The following PLCL2 variants were observed in gnomAD, a reference collection of about 807,000 sequenced individuals.
PLCL2 encodes phospholipase C like 2.
Under a neutral mutation model 79.6 loss-of-function variants are expected in PLCL2, and 4 were observed. The observed-to-expected ratio is 0.05, with a 90% CI of 0.02 to 0.11. The LOEUF (loss-of-function observed/expected upper bound fraction) is 0.11, where lower values mean the gene tolerates loss of function less well. Ranked by LOEUF, PLCL2 falls within the 10% of genes least tolerant of loss-of-function variation. The probability of loss-of-function intolerance (pLI) is 1.00; values close to 1 mark genes in which losing one functional copy is unlikely to be tolerated. For missense variants in PLCL2, 895 were observed against 1,291.0 expected (o/e 0.69, Z 4.70); for synonymous variants, 484 against 457.7 (o/e 1.06, Z -0.73).
chr3:16,957,144 C>G (rs915476097), intron 1 of PLCL2, among the ~76,000 whole-genome samples: 1 of 151,944 alleles, frequency 6.6e-6, no homozygotes, highest in South Asian at 2.1e-4. Flanking sequence ...TGGATCTTTC[C>G]TGCTTTCTCT....
intron 1 of PLCL2, among the ~76,000 whole-genome samples, chr3:16,913,768 A>G (rs952610914): frequency 5.3e-5 from 8 of 152,146 alleles, no homozygotes; most frequent in Non-Finnish European, 1.2e-4. Context: ...TGCTAAAAAG[A>G]TCTTCATAAT....
chr3:16,923,600 T>C (rs76099652), intron 1 of PLCL2, among the ~76,000 whole-genome samples: 2 of 152,224 alleles, frequency 1.3e-5, no homozygotes, highest in Non-Finnish European at 2.9e-5. Flanking sequence ...TTGACCTTCA[T>C]ACACTCACAT....
At chr3:17,016,953 G>A (rs767514378) in intron 3 of PLCL2, among the ~76,000 whole-genome samples, 2 of 152,182 alleles carry the variant, frequency 1.3e-5, no homozygotes, top group East Asian at 1.9e-4. Context: ...GTAGTACCCC[G>A]TGGAGGTGAT....
intron 1 of PLCL2, among the ~76,000 whole-genome samples, chr3:16,989,715 T>A (rs1275943328): frequency 2.0e-5 from 3 of 152,216 alleles, no homozygotes; most frequent in African/African-American, 7.2e-5. Flanking sequence ...AAAGTATTCA[T>A]CTACCCAAAG....
chr3:16,896,514 C>T (rs924755969), intron 1 of PLCL2, among the ~76,000 whole-genome samples: 2 of 152,164 alleles, frequency 1.3e-5, no homozygotes, highest in African/African-American at 2.4e-5. Context: ...TTCAGGTGCA[C>T]TCGAAAGTTT....
intron 1 of PLCL2, among the ~76,000 whole-genome samples, chr3:16,961,783 A>G (rs1225129627): frequency 6.6e-6 from 1 of 152,194 alleles, no homozygotes; most frequent in Non-Finnish European, 1.5e-5. Flanking sequence ...GGAGGAAGGT[A>G]GAGTATGTGA....
chr3:16,929,242 C>T (rs1468389675), intron 1 of PLCL2, among the ~76,000 whole-genome samples: 9 of 152,084 alleles, frequency 5.9e-5, no homozygotes, highest in Admixed American at 3.3e-4. Context: ...AACTGCTCTG[C>T]ACTAGGACTT....
chr3:16,984,911 A>C (rs1481549995), intron 1 of PLCL2, among the ~76,000 whole-genome samples: 1 of 151,744 alleles, frequency 6.6e-6, no homozygotes, highest in African/African-American at 2.4e-5. Flanking sequence ...CAGCCTGGGC[A>C]ACAGAGCGAG....
intron 1 of PLCL2, among the ~76,000 whole-genome samples, chr3:16,927,673 G>A (rs113150785): frequency 5.9e-5 from 9 of 152,222 alleles, no homozygotes; most frequent in African/African-American, 1.9e-4. Flanking sequence ...TAGGATGTAG[G>A]CTCTACCCAC....
Position 17,010,826 on chromosome 3 carries a change from A to T in PLCL2, c.1480A>T (p.Ile494Leu). The T allele has an allele frequency of 6.2e-7, 1 of 1,614,180 alleles. No individual in the cohort carries two copies. Among genetic ancestry groups the T allele is most frequent in the Non-Finnish European group, 8.5e-7 (1 of 1,180,034 alleles). The change falls in exon 2 of 6, where the codon ATA becomes TTA. Residue 494 changes from isoleucine (I) to leucine (L), a missense_variant. By Grantham distance (5) the Ile-to-Leu change is conservative. Transcript: ENST00000615277. This position sits in a 1 kb window ranked among gnomAD's most constrained non-coding sequence, Gnocchi z 5.8. ...IYTGHTMTSQ[I>L]VFRSVIDIIN... ...CACAGGCCACACCATGACCTCTCAG[A>T]TAGTTTTCCGCAGTGTCATTGATAT...
intron 1 of PLCL2, among the ~76,000 whole-genome samples, chr3:16,893,961 G>A (rs917218727): frequency 6.6e-6 from 1 of 152,222 alleles, no homozygotes; most frequent in South Asian, 2.1e-4. Context: ...AATTGAAAAT[G>A]CCCAGGAAGG....
chr3:16,904,225 C>T (rs754021197), intron 1 of PLCL2, among the ~76,000 whole-genome samples: 1 of 150,774 alleles, frequency 6.6e-6, no homozygotes, highest in Non-Finnish European at 1.5e-5. Context: ...ACATTTGATG[C>T]GTTGACTGCC....
intron 1 of PLCL2, among the ~76,000 whole-genome samples, chr3:16,979,642 A>G (rs924880110): frequency 2.2e-5 from 3 of 139,492 alleles, no homozygotes; most frequent in South Asian, 2.5e-4. Flanking sequence ...TTCAGAGAGC[A>G]CAGGGTTGGG....
chr3:16,965,165 A>G (rs1446566476), intron 1 of PLCL2, among the ~76,000 whole-genome samples: 2 of 152,234 alleles, frequency 1.3e-5, no homozygotes, highest in African/African-American at 4.8e-5. Context: ...CTAACATTTA[A>G]GTCTTTAATC....
At chr3:16,966,208 T>C (rs901998220) in intron 1 of PLCL2, among the ~76,000 whole-genome samples, 2 of 138,370 alleles carry the variant, frequency 1.4e-5, no homozygotes, top group Admixed American at 7.2e-5. Flanking sequence ...ACTGAACTTA[T>C]TGAGAGTTTT....
chr3:17,088,600 G>A (rs928771425), intron 5 of PLCL2, among the ~76,000 whole-genome samples: 3 of 152,156 alleles, frequency 2.0e-5, no homozygotes, highest in East Asian at 1.9e-4. Context: ...TCTTCTGCTC[G>A]ATAATTTTGG....
rs149830359 is a variant in PLCL2, at chr3:16,978,738, G to A, written c.328-30936G>A. On this transcript the variant is annotated intron_variant, in intron 1 of 5. Transcript: ENST00000615277. Reference sequence around the variant, plus strand: ...GCATGCTCAGTTGCCAGAGGACATCGTGTCAGTGCAACAAGCCCAGAATCC... The same window carrying A: ...GCATGCTCAGTTGCCAGAGGACATCATGTCAGTGCAACAAGCCCAGAATCC... Among the ~76,000 whole-genome samples the A allele has an allele frequency of 2.9e-3, 442 of 152,336 alleles. 6 individuals carry two copies. The highest frequency in any genetic ancestry group is 9.9e-3 in the African/African-American group (410 of 41,570).
chr3:16,988,807 AG>A (rs974583916), intron 1 of PLCL2, among the ~76,000 whole-genome samples: 2 of 152,132 alleles, frequency 1.3e-5, no homozygotes, highest in South Asian at 2.1e-4. Flanking sequence ...CATAACATGG[AG>A]GAAAAAAAAG....
chr3:16,965,123 A>C (rs193298057), intron 1 of PLCL2, among the ~76,000 whole-genome samples: 1 of 152,218 alleles, frequency 6.6e-6, no homozygotes, highest in Admixed American at 6.5e-5. Flanking sequence ...GGTATTGCCC[A>C]GGTTTTCTTC....
Sources: gnomAD v4.1 joint callset for allele counts (sites outside exome capture counted in the v4.1 genomes callset) on GRCh38, gnomAD v4.1.1 for gene constraint, Gnocchi (gnomAD v3.1) non-coding constraint, MANE v1.5 for transcripts, NCBI Gene and HGNC (gene_info 2026-07-23, HGNC 2026-07-21) for gene names.